Variants in PTPRM observed in about 807,000 individuals in gnomAD.
The protein encoded by PTPRM is receptor-type tyrosine-protein phosphatase mu.
A neutral mutation model predicts 186.7 loss-of-function variants in PTPRM; 47 were observed. That is an observed-to-expected ratio of 0.25 (90% confidence interval 0.20 to 0.32). PTPRM has a LOEUF of 0.32. Among genes scored for constraint, PTPRM ranks in the 10% least tolerant of loss-of-function variants. PTPRM has a pLI of 1.00. For missense variants in PTPRM, 1,494 were observed against 1,865.0 expected (o/e 0.80, Z 3.66); for synonymous variants, 668 against 674.9 (o/e 0.99, Z 0.16).
At position 8,017,466 on chromosome 18, in the gene PTPRM, C is replaced by T. The variant is rs545253338; in HGVS notation, c.1133-52220C>T. On this transcript the variant is annotated intron_variant, in intron 7 of 32. Transcript: ENST00000580170. ...GGTGCGGTGACATGCACCTGTAATC[C>T]CACCTACTCAGGAGGCTGAGGCAAG... Among the ~76,000 whole-genome samples, 5 of 151,216 alleles carry T rather than the reference C, an allele frequency of 3.3e-5. No individual in the cohort carries two copies. In the South Asian group the frequency reaches 1.1e-3, roughly 32 times the overall value.
At chr18:8,213,852 C>T (rs2094041159) in intron 14 of PTPRM, among the ~76,000 whole-genome samples, 1 of 152,144 alleles carries the variant, frequency 6.6e-6, no homozygotes, top group Non-Finnish European at 1.5e-5. Context: ...ACGGAATCAG[C>T]CCAAATGCCC....
At chr18:8,042,147 T>C (rs1268274962) in intron 7 of PTPRM, among the ~76,000 whole-genome samples, 1 of 152,124 alleles carries the variant, frequency 6.6e-6, no homozygotes, top group African/African-American at 2.4e-5. Flanking sequence ...AGCACTGGGG[T>C]AATTTAAGAA....
At chr18:7,950,877 G>A (rs559433447) in intron 6 of PTPRM, among the ~76,000 whole-genome samples, 3 of 152,228 alleles carry the variant, frequency 2.0e-5, no homozygotes, top group Admixed American at 6.5e-5. Flanking sequence ...CAGGGACACA[G>A]CCTCTGTTAT....
chr18:7,937,850 C>A (rs970403064), intron 5 of PTPRM, among the ~76,000 whole-genome samples: 2 of 152,176 alleles, frequency 1.3e-5, no homozygotes, highest in African/African-American at 4.8e-5. Context: ...GTCCATTGCG[C>A]TTAATATCTT....
chr18:8,287,407 T>C (rs2094968756), intron 19 of PTPRM, among the ~76,000 whole-genome samples: 1 of 152,158 alleles, frequency 6.6e-6, no homozygotes, highest in Admixed American at 6.5e-5. Context: ...TTGCTCAGTT[T>C]TCAAATAGGA....
chr18:7,831,942 T>C (rs1331687524), intron 2 of PTPRM, among the ~76,000 whole-genome samples: 1 of 152,238 alleles, frequency 6.6e-6, no homozygotes, highest in Non-Finnish European at 1.5e-5. Flanking sequence ...TCCATGTTGT[T>C]GCAGGTGACA....
chr18:7,789,760 C>T (rs1376693937), intron 2 of PTPRM, among the ~76,000 whole-genome samples: 2 of 152,128 alleles, frequency 1.3e-5, no homozygotes, highest in Non-Finnish European at 2.9e-5. Context: ...GGGTTGCCTT[C>T]GCTGAGAGAC....
chr18:7,720,115 T>G (rs1355117282), intron 1 of PTPRM, among the ~76,000 whole-genome samples: 1 of 152,210 alleles, frequency 6.6e-6, no homozygotes, highest in East Asian at 1.9e-4. Context: ...ATTTGTTCTT[T>G]GATAGGACAA....
At chr18:8,054,448 C>CT (rs2087763942) in intron 7 of PTPRM, among the ~76,000 whole-genome samples, 2 of 151,046 alleles carry the variant, frequency 1.3e-5, no homozygotes, top group African/African-American at 4.9e-5. Context: ...CCATAATTGA[C>CT]TGAAATAACT....
chr18:7,803,723 A>G (rs1396555923), intron 2 of PTPRM, among the ~76,000 whole-genome samples: 2 of 152,150 alleles, frequency 1.3e-5, no homozygotes, highest in Admixed American at 1.3e-4. Flanking sequence ...CATTCTAAGG[A>G]AAATGAGGGG....
chr18:7,931,462 T>G (rs1391861735), intron 5 of PTPRM, among the ~76,000 whole-genome samples: 1 of 152,174 alleles, frequency 6.6e-6, no homozygotes, highest in African/African-American at 2.4e-5. Flanking sequence ...TCCCAGCACT[T>G]TGAGAGGGCG....
intron 28 of PTPRM, 118 bp from the exon 29 acceptor site, chr18:8,380,178 C>A: frequency 9.4e-7 from 1 of 1,063,564 alleles, no homozygotes; most frequent in Non-Finnish European, 1.4e-6. Flanking sequence ...CAGAATTCAA[C>A]AGCTGTTAAA....
chr18:7,974,047 G>A (rs972001099), intron 7 of PTPRM, among the ~76,000 whole-genome samples: 18 of 151,756 alleles, frequency 1.2e-4, no homozygotes, highest in East Asian at 1.9e-4. Context: ...TCAATGATGC[G>A]CGAGGAGAAT....
intron 7 of PTPRM, among the ~76,000 whole-genome samples, chr18:8,065,291 C>G (rs2088972810): frequency 6.6e-6 from 1 of 152,052 alleles, no homozygotes; most frequent in African/African-American, 2.4e-5. Context: ...TAGAAGGAGC[C>G]AGGATCACTG....
At chr18:8,289,579 T>C (rs866292149) in intron 19 of PTPRM, among the ~76,000 whole-genome samples, 1,506 of 103,818 alleles carry the variant, frequency 0.015, 121 homozygotes, top group African/African-American at 0.056. Context: ...TATATATACA[T>C]ATATATATAC....
intron 1 of PTPRM, among the ~76,000 whole-genome samples, chr18:7,706,539 C>G (rs559802507): frequency 7.8e-6 from 1 of 128,984 alleles, no homozygotes; most frequent in African/African-American, 3.0e-5. Context: ...GAGGTCAAAG[C>G]TTCAGTGAGC....
chr18:8,284,582 C>G (rs1408838291), intron 19 of PTPRM, among the ~76,000 whole-genome samples: 1 of 150,964 alleles, frequency 6.6e-6, no homozygotes, highest in African/African-American at 2.4e-5. Context: ...CCTGCCTCTA[C>G]TAAAAATTAA....
At chr18:7,601,258 T>C (rs1316519990) in intron 1 of PTPRM, among the ~76,000 whole-genome samples, 1 of 152,242 alleles carries the variant, frequency 6.6e-6, no homozygotes, top group Non-Finnish European at 1.5e-5. Flanking sequence ...TCCTCCCCAC[T>C]GGCATATCTG....
intron 7 of PTPRM, among the ~76,000 whole-genome samples, chr18:7,976,539 G>A (rs2054955694): frequency 1.3e-5 from 2 of 152,124 alleles, no homozygotes; most frequent in South Asian, 4.1e-4. Context: ...GGATTGTGGG[G>A]AATCTTCATA....
Sources: gnomAD v4.1 joint callset for allele counts (sites outside exome capture counted in the v4.1 genomes callset) on GRCh38, gnomAD v4.1.1 for gene constraint, MANE v1.5 for transcripts, NCBI Gene and HGNC (gene_info 2026-07-23, HGNC 2026-07-21) for gene names.